PLEKHA5: variants seen among roughly 807,000 people sequenced by gnomAD.
PLEKHA5 encodes the protein pleckstrin homology domain containing A5, also known as pleckstrin homology domain-containing family A member 5.
A neutral mutation model predicts 181.9 loss-of-function variants in PLEKHA5; 55 were observed. The ratio of observed to expected loss-of-function variants is 0.30; its 90% CI spans 0.24 to 0.38. PLEKHA5 has a LOEUF of 0.38. Ranked by LOEUF, PLEKHA5 falls within the 10% of genes least tolerant of loss-of-function variation. The pLI is 1.00. For missense variants in PLEKHA5, 1,432 were observed against 1,549.5 expected (o/e 0.92, Z 1.27); for synonymous variants, 535 against 529.4 (o/e 1.01, Z -0.15).
At chr12:19,291,369 C>T (rs1433322488) in intron 14 of PLEKHA5, among the ~76,000 whole-genome samples, 1 of 151,484 alleles carries the variant, frequency 6.6e-6, no homozygotes, top group Non-Finnish European at 1.5e-5. Context: ...AAAGTTCTAA[C>T]AGTCAGTTTG....
chr12:19,244,816 C>T (rs2063357774), intron 3 of PLEKHA5, among the ~76,000 whole-genome samples: 2 of 152,062 alleles, frequency 1.3e-5, no homozygotes, highest in African/African-American at 4.8e-5. Flanking sequence ...GGTTGCTTTG[C>T]CTGACTGTAA....
At chr12:19,363,209 A>G (rs1163591865) in intron 29 of PLEKHA5, among the ~76,000 whole-genome samples, 2 of 151,242 alleles carry the variant, frequency 1.3e-5, no homozygotes, top group African/African-American at 4.9e-5. Context: ...ATCTTGGTCC[A>G]CTGCACTCGG....
chr12:19,230,542 G>A (rs2060363463), intron 3 of PLEKHA5, among the ~76,000 whole-genome samples: 1 of 152,186 alleles, frequency 6.6e-6, no homozygotes. Flanking sequence ...TTTGAGCACG[G>A]TGCGGGTAGG....
chr12:19,345,728 A>T (rs934990005), intron 22 of PLEKHA5, 114 bp from the exon 23 acceptor site: 1 of 533,702 alleles, frequency 1.9e-6, no homozygotes, highest in East Asian at 3.5e-5. Context: ...ACGCCACTAC[A>T]CTCCAGCTTG....
intron 3 of PLEKHA5, among the ~76,000 whole-genome samples, chr12:19,205,828 A>G (rs567464485): frequency 4.6e-5 from 7 of 152,188 alleles, no homozygotes; most frequent in African/African-American, 1.7e-4. Context: ...TCACATTTCT[A>G]TATTGTATCT....
At chr12:19,304,862 A>G (rs766366230) in intron 15 of PLEKHA5, among the ~76,000 whole-genome samples, 13 of 152,090 alleles carry the variant, frequency 8.5e-5, no homozygotes, top group Non-Finnish European at 1.6e-4. Context: ...TGGGAGGCCA[A>G]CACGGGTGGA....
intron 20 of PLEKHA5, among the ~76,000 whole-genome samples, chr12:19,323,489 C>T (rs1482310475): frequency 6.6e-6 from 1 of 150,844 alleles, no homozygotes; most frequent in Admixed American, 6.6e-5. Context: ...GGCAACAAGA[C>T]TGAAACTCTG....
chr12:19,241,775 AAAG>A (rs746457894), intron 3 of PLEKHA5, among the ~76,000 whole-genome samples: 5 of 152,240 alleles, frequency 3.3e-5, no homozygotes, highest in Non-Finnish European at 5.9e-5. Flanking sequence ...AAAAAAAAGA[AAAG>A]AAAAATAAAT....
At chr12:19,154,730 A>G (rs553803519) in intron 3 of PLEKHA5, 8 of 152,318 alleles carry the variant, frequency 5.3e-5, no homozygotes, top group Admixed American at 1.3e-4. Context: ...AAAAACTGGA[A>G]TCTACTAGTA....
chr12:19,363,598 TC>T (rs1208514389), intron 29 of PLEKHA5, among the ~76,000 whole-genome samples: 1 of 152,096 alleles, frequency 6.6e-6, no homozygotes, highest in Admixed American at 6.5e-5. Context: ...TTCAAGCGAT[TC>T]TCCTGCCTCA....
chr12:19,143,097 G>A (rs2037903115), intron 3 of PLEKHA5, among the ~76,000 whole-genome samples: 1 of 152,204 alleles, frequency 6.6e-6, no homozygotes, highest in Non-Finnish European at 1.5e-5. Context: ...TGGGAGCACA[G>A]ATGTTCCTAT....
chr12:19,297,100 T>C (rs1195012536), intron 15 of PLEKHA5, among the ~76,000 whole-genome samples: 1 of 152,092 alleles, frequency 6.6e-6, no homozygotes, highest in Non-Finnish European at 1.5e-5. Flanking sequence ...TAGATGGAGA[T>C]GTGCAGAAGG....
intron 28 of PLEKHA5, among the ~76,000 whole-genome samples, 156 bp from the exon 29 acceptor site, chr12:19,361,426 G>A (rs1163893640): frequency 3.3e-5 from 5 of 152,078 alleles, no homozygotes; most frequent in East Asian, 1.9e-4. Flanking sequence ...CTCGTGATCC[G>A]CCCTTCTCGG....
At chr12:19,296,364 A>G (rs1344361574) in intron 15 of PLEKHA5, among the ~76,000 whole-genome samples, 3 of 152,020 alleles carry the variant, frequency 2.0e-5, no homozygotes, top group African/African-American at 4.8e-5. Flanking sequence ...CTGGGACAAC[A>G]TGGTGAAAGC....
chr12:19,147,036 A>G (rs924395948), intron 3 of PLEKHA5: 7 of 152,214 alleles, frequency 4.6e-5, no homozygotes, highest in Admixed American at 6.5e-5. Flanking sequence ...ACGTGGGTAT[A>G]TGTTTTCCAA....
intron 18 of PLEKHA5, chr12:19,321,711 C>T (rs911717478): frequency 6.6e-6 from 1 of 151,652 alleles, no homozygotes; most frequent in African/African-American, 2.4e-5. Context: ...TTTGTGTAGG[C>T]TGAGTCTTGT....
chr12:19,353,452 C>G (rs116179887), intron 25 of PLEKHA5, among the ~76,000 whole-genome samples: 156 of 151,074 alleles, frequency 1.0e-3, no homozygotes, highest in African/African-American at 3.6e-3. Flanking sequence ...TCACCACGCC[C>G]AGCCTGACTC....
intron 13 of PLEKHA5, chr12:19,287,959 T>C: frequency 4.5e-6 from 1 of 222,668 alleles, no homozygotes; most frequent in Non-Finnish European, 8.8e-6. Context: ...GTGCCTGTAA[T>C]CCCAGCTACT....
chr12:19,228,205 TAG>T (rs1227267625), intron 3 of PLEKHA5, among the ~76,000 whole-genome samples: 1 of 152,226 alleles, frequency 6.6e-6, no homozygotes. Context: ...CTTGTCTCTT[TAG>T]TAGCTGTTTG....
Sources: gnomAD v4.1 joint callset for allele counts (sites outside exome capture counted in the v4.1 genomes callset) on GRCh38, gnomAD v4.1.1 for gene constraint, MANE v1.5 for transcripts, NCBI Gene and HGNC (gene_info 2026-07-23, HGNC 2026-07-21) for gene names.